Variants in NSD2 observed in about 807,000 individuals in gnomAD.
The protein encoded by NSD2 is histone-lysine N-methyltransferase NSD2.
NSD2 carries 12 observed loss-of-function variants against 139.0 expected under a neutral mutation model. The ratio of observed to expected loss-of-function variants is 0.09; its 90% CI spans 0.06 to 0.14. The LOEUF (loss-of-function observed/expected upper bound fraction) is 0.14. NSD2 is among the 10% of genes least tolerant of loss of function. The pLI, the probability that NSD2 is intolerant of heterozygous loss-of-function variation, is 1.00. For synonymous variants in NSD2, 669 were observed against 648.7 expected (o/e 1.03, Z -0.48); for missense variants, 1,155 against 1,745.0 (o/e 0.66, Z 6.02).
intron 1 of NSD2, among the ~76,000 whole-genome samples, chr4:1,884,978 C>T (rs757619871): frequency 2.0e-4 from 31 of 151,790 alleles, no homozygotes; most frequent in South Asian, 4.2e-4. Context: ...GGCGTGGTGG[C>T]GGCAACCTGT....
In NSD2 at chr4:1,955,878, T is replaced by C; in HGVS notation, c.2675+29T>C. On this transcript the variant is annotated intron_variant, in intron 14 of 21. Transcript: ENST00000508803. This position sits in a 1 kb window ranked among gnomAD's most constrained non-coding sequence, Gnocchi z 4.7. ...TGAGACATAGAATCGTATGCTTTTA[T>C]GTCTTTTCTGTTCACATGTGTTCGC... 1.9e-6 allele frequency: 3 copies of C among 1,611,184 alleles called. No homozygotes were observed. The highest frequency in any genetic ancestry group is 2.5e-6 in the Non-Finnish European group (3 of 1,177,546).
chr4:1,916,132 C>A (rs904659764), intron 3 of NSD2, among the ~76,000 whole-genome samples: 5 of 152,052 alleles, frequency 3.3e-5, no homozygotes, highest in African/African-American at 1.2e-4. Context: ...ATGCTCCTGT[C>A]ACTCTAGCAC....
intron 1 of NSD2, among the ~76,000 whole-genome samples, chr4:1,888,889 A>T (rs971336194): frequency 2.7e-5 from 4 of 145,820 alleles, no homozygotes; most frequent in African/African-American, 1.0e-4. Context: ...TGAGCTTCCC[A>T]TGTATATTAG....
intron 1 of NSD2, among the ~76,000 whole-genome samples, chr4:1,896,574 C>T (rs1015940180): frequency 2.6e-5 from 4 of 152,136 alleles, no homozygotes; most frequent in Non-Finnish European, 5.9e-5. Flanking sequence ...CTATGCTGCC[C>T]AGGCTCATCT....
chr4:1,903,357 C>T (rs1280010381), intron 2 of NSD2, among the ~76,000 whole-genome samples: 1 of 152,150 alleles, frequency 6.6e-6, no homozygotes, highest in Non-Finnish European at 1.5e-5. Context: ...AATGTTCAGC[C>T]TTAACCTACC....
chr4:1,949,734 A>T (rs1384252044), intron 9 of NSD2, among the ~76,000 whole-genome samples: 7 of 151,172 alleles, frequency 4.6e-5, no homozygotes. Flanking sequence ...ACTGCACTCC[A>T]GCCTGGGCGA....
chr4:1,976,495 A>G lies in NSD2; in HGVS notation c.3642A>G (p.Ser1214=), dbSNP rs1727093099. The change falls in exon 21 of 22, where the codon TCA becomes TCG. Residue 1214 remains serine, a synonymous_variant. Coordinates refer to ENST00000508803, the MANE Select transcript of NSD2 (RefSeq NM_001042424.3). The surrounding 1 kb of genome is among the most constrained non-coding windows in gnomAD (Gnocchi z 5.3). ...TCTAGACCTCGACGACCCTTTCATC[A>G]GAGGAAAAGGGCAAAAAGACCAAGA... ...DRPKTSTTLS[S]EEKGKKTKKK... is the part of the protein sequence containing the mutation. The G allele has an allele frequency of 1.2e-6, 2 of 1,613,678 alleles. No individual in the cohort carries two copies. The highest frequency in any genetic ancestry group is 4.5e-5 in the East Asian group (2 of 44,862).
rs1182462116 is a variant in NSD2 at position 1,975,023 on chromosome 4, C to T, written c.3514+19C>T. 103 of 1,613,710 alleles carry T rather than the reference C, an allele frequency of 6.4e-5. No individual in the cohort carries two copies. Among genetic ancestry groups the T allele is most frequent in the Non-Finnish European group, 8.7e-5 (103 of 1,179,852 alleles). On this transcript the variant is annotated intron_variant, in intron 19 of 21. Coordinates refer to ENST00000508803, the MANE Select transcript of NSD2 (RefSeq NM_001042424.3). ...CCTGCAGGTACAAGCTCTGGGGACC[C>T]TGCATGGGGCTCCTGGCTATGGGGG... is the stretch of plus-strand genomic sequence containing the variant.
intron 4 of NSD2, 144 bp downstream of exon 4, chr4:1,917,181 G>A: frequency 2.2e-6 from 2 of 929,404 alleles, no homozygotes; most frequent in South Asian, 4.1e-5. Context: ...TTTGCCCAAG[G>A]ATGCCATGTT....
intron 3 of NSD2, among the ~76,000 whole-genome samples, chr4:1,909,167 T>C (rs1718336379): frequency 6.6e-6 from 1 of 152,204 alleles, no homozygotes; most frequent in African/African-American, 2.4e-5. Context: ...CTTTAAGTTG[T>C]ATGCCTTTGA....
At chr4:1,961,962 A>G (rs1352213562) in intron 18 of NSD2, among the ~76,000 whole-genome samples, 1 of 152,220 alleles carries the variant, frequency 6.6e-6, no homozygotes, top group East Asian at 1.9e-4. Context: ...AAGTCTGGCT[A>G]TTTTTAAAAG....
intron 1 of NSD2, among the ~76,000 whole-genome samples, chr4:1,889,417 A>G (rs1460248313): frequency 6.7e-6 from 1 of 149,904 alleles, no homozygotes; most frequent in Non-Finnish European, 1.5e-5. Flanking sequence ...CTGGTCTTGA[A>G]CTCCTGGGCT....
intron 1 of NSD2, among the ~76,000 whole-genome samples, chr4:1,895,748 T>C (rs28671538): frequency 0.063 from 9,572 of 152,260 alleles, 1,039 homozygotes; most frequent in African/African-American, 0.22. Flanking sequence ...TCCCTGCAGG[T>C]CCTACCAGTG....
chr4:1,947,366 A>T, intron 9 of NSD2: 1 of 1,061,798 alleles, frequency 9.4e-7, no homozygotes, highest in Non-Finnish European at 1.1e-6. Context: ...CTACGGCTAC[A>T]CAAAAGCCTG....
At chr4:1,912,601 T>C (rs1432165260) in intron 3 of NSD2, among the ~76,000 whole-genome samples, 2 of 152,006 alleles carry the variant, frequency 1.3e-5, no homozygotes, top group Non-Finnish European at 2.9e-5. Flanking sequence ...CCTATTTATA[T>C]ATTTATATAG....
At chr4:1,897,230 C>T (rs57783080) in intron 1 of NSD2, among the ~76,000 whole-genome samples, 5,599 of 151,704 alleles carry the variant, frequency 0.037, 353 homozygotes, top group African/African-American at 0.13. Context: ...GCCTGTAATC[C>T]CAGTACTTTG....
At chr4:1,967,543 A>T (rs1041292475) in intron 18 of NSD2, among the ~76,000 whole-genome samples, 2 of 151,324 alleles carry the variant, frequency 1.3e-5, no homozygotes, top group African/African-American at 4.9e-5. Context: ...ATGCTGTTGC[A>T]CTCCAGCCCA....
At chr4:1,950,801 T>G (rs1724135419) in intron 9 of NSD2, among the ~76,000 whole-genome samples, 1 of 152,266 alleles carries the variant, frequency 6.6e-6, no homozygotes, top group Non-Finnish European at 1.5e-5. Context: ...TTCCTTCATT[T>G]TAAGGAATAT....
At position 1,912,433 on chromosome 4, in the gene NSD2, C is replaced by T. The variant is rs560729672; in HGVS notation, c.761-4438C>T. ...ATTCAGTGAAAAACCAAGTTATGTT[C>T]TGTAATTGCATTTTCTTGTAAAACC... On this transcript the variant is annotated intron_variant, in intron 3 of 21. Transcript: ENST00000508803. Among the ~76,000 whole-genome samples, 5 of 152,252 alleles carry T rather than the reference C, an allele frequency of 3.3e-5. No homozygotes were observed. In the East Asian group the frequency reaches 7.7e-4, roughly 23 times the overall value.
Sources: allele counts gnomAD v4.1 joint callset (sites outside exome capture counted in the v4.1 genomes callset), GRCh38; gene constraint gnomAD v4.1.1; non-coding constraint Gnocchi (gnomAD v3.1); transcripts MANE v1.5; gene names NCBI Gene and HGNC (gene_info 2026-07-23, HGNC 2026-07-21).